MEGF8: variants seen among roughly 807,000 people sequenced by gnomAD.
The protein encoded by MEGF8 is multiple epidermal growth factor-like domains protein 8.
MEGF8 carries 156 observed loss-of-function variants against 302.9 expected under a neutral mutation model. The observed-to-expected ratio is 0.52, with a 90% confidence interval of 0.45 to 0.59. MEGF8 has a LOEUF of 0.59. Among genes scored for constraint, MEGF8 ranks in the 20% least tolerant of loss-of-function variants. MEGF8 has a pLI of 0.00. For missense variants in MEGF8, 3,345 were observed against 3,964.5 expected, an observed-to-expected ratio of 0.84 and a Z score of 4.20; for synonymous variants, 1,621 against 1,660.5, an observed-to-expected ratio of 0.98 and a Z score of 0.58.
rs764022580 is a variant in MEGF8, at chr19:42,358,299, G to A, written c.5167G>A (p.Gly1723Arg). 1 of 1,602,178 alleles carries A rather than the reference G, an allele frequency of 6.2e-7. No individual in the cohort carries two copies. The highest frequency in any genetic ancestry group is 8.5e-7 in the Non-Finnish European group (1 of 1,174,736). ...CTGGAGTCTGCTGGCCCCTTCTCAGGGGGCAAAGGTCAGGAAAAGAGGCTC... is the reference window on the plus strand; with the variant it reads ...CTGGAGTCTGCTGGCCCCTTCTCAGAGGGCAAAGGTCAGGAAAAGAGGCTC... Reference protein sequence around the residue: ...RTWSLLAPSQGAKRDRMRNVR... With the variant: ...RTWSLLAPSQRAKRDRMRNVR... Residue 1723 changes from glycine (G) to arginine (R), a missense_variant, in exon 29 of 42, where the codon GGG becomes AGG. By Grantham distance (125) the Gly-to-Arg change is moderately radical. Transcript: ENST00000251268. The surrounding 1 kb of genome is among the most constrained non-coding windows in gnomAD (Gnocchi z 4.4).
chr19:42,329,853 C>T (rs962807898), intron 1 of MEGF8, among the ~76,000 whole-genome samples: 1 of 146,496 alleles, frequency 6.8e-6, no homozygotes, highest in Non-Finnish European at 1.5e-5. Flanking sequence ...GCCTGGGCAG[C>T]AGAGCGAGAC....
Position 42,326,056 on chromosome 19 carries a change from G to T in MEGF8, c.-188G>T, listed in dbSNP as rs929575355. The T allele has an allele frequency of 5.2e-6, 5 of 965,728 alleles. No individual in the cohort carries two copies. In the African/African-American group the frequency reaches 5.2e-5, roughly 10 times the overall value. 59.8% of individuals were successfully genotyped at this position (965,728 alleles called of 1,614,324 possible). On this transcript the variant is annotated 5_prime_UTR_variant, in exon 1 of 42. Coordinates refer to ENST00000251268, the MANE Select transcript of MEGF8 (RefSeq NM_001271938.2). The stretch of plus-strand genomic sequence containing the variant: ...CATCGCTCTATAGGGCTCAGCCCTC[G>T]GCTTCCAGAGCCTGTCAGCAGTGGC...
chr19:42,356,139 G>C lies in MEGF8; in HGVS notation c.4449G>C (p.Lys1483Asn), dbSNP rs1262221754. The C allele has an allele frequency of 6.3e-7, 1 of 1,576,648 alleles. No homozygotes were observed. Among genetic ancestry groups the C allele is most frequent in the Admixed American group, 1.8e-5 (1 of 55,446 alleles). The change falls in exon 25 of 42, where the codon AAG becomes AAC. Residue 1483 changes from lysine to asparagine, a missense_variant. Lys to Asn is a moderately conservative substitution (Grantham distance 94). Coordinates refer to ENST00000251268, the MANE Select transcript of MEGF8 (RefSeq NM_001271938.2). This position sits in a 1 kb window ranked among gnomAD's most constrained non-coding sequence, Gnocchi z 5.2. ...TCGGGGGCCCCGACTGCGCCACCAA[G>C]CTGGATGGCGGGCAGCTGGTCTGGG... is the stretch of plus-strand genomic sequence containing the variant. ...EGFGGPDCAT[K>N]LDGGQLVWET...
chr19:42,369,035 G>C lies in MEGF8; in HGVS notation c.6641+33G>C, dbSNP rs376900398. ...CGCAGGCGGCGCTGGGGCCAGGCAG[G>C]CTAGGGTGGGAGAGTCTGTGGGGAG... On this transcript the variant is annotated intron_variant, in intron 37 of 41. Coordinates refer to ENST00000251268, the MANE Select transcript of MEGF8 (RefSeq NM_001271938.2). This position sits in a 1 kb window ranked among gnomAD's most constrained non-coding sequence, Gnocchi z 5.7. 6 of 1,607,654 alleles carry C rather than the reference G, an allele frequency of 3.7e-6. No homozygotes were observed. The highest frequency in any genetic ancestry group is 5.1e-6 in the Non-Finnish European group (6 of 1,178,496).
chr19:42,373,302 A>G (rs1438333948), intron 41 of MEGF8, among the ~76,000 whole-genome samples: 2 of 150,486 alleles, frequency 1.3e-5, no homozygotes, highest in African/African-American at 4.9e-5. Context: ...CATGTTGGCC[A>G]GGATGGTCTT....
chr19:42,345,182 G>A (rs902306504), intron 12 of MEGF8, among the ~76,000 whole-genome samples: 2 of 152,198 alleles, frequency 1.3e-5, no homozygotes, highest in African/African-American at 4.8e-5. Context: ...ATGTTGGTCA[G>A]GCTGGTCTTG....
At chr19:42,340,135 G>A (rs767636149) in intron 8 of MEGF8, among the ~76,000 whole-genome samples, 1 of 152,186 alleles carries the variant, frequency 6.6e-6, no homozygotes, top group Non-Finnish European at 1.5e-5. Flanking sequence ...ATTATAACAC[G>A]TAATGCCATT....
At position 42,335,350 on chromosome 19, in the gene MEGF8, A is replaced by G. The variant is rs1461718601; in HGVS notation, c.793A>G (p.Asn265Asp). Residue 265 changes from asparagine (N) to aspartate (D), a missense_variant, in exon 5 of 42, where the codon AAC becomes GAC. Physicochemically the swap from Asn to Asp is conservative, Grantham distance 23. Transcript: ENST00000251268. Reference sequence around the variant, plus strand: ...CCTCGTCCTATACAACTTCTCCGCCAACACCTGGGAGTCTTGGGACCTGAG... The same window carrying G: ...CCTCGTCCTATACAACTTCTCCGCCGACACCTGGGAGTCTTGGGACCTGAG... ...GDLVLYNFSA[N>D]TWESWDLSPA... is the part of the protein sequence containing the mutation. 1 of 1,613,840 alleles carries G rather than the reference A, an allele frequency of 6.2e-7. No homozygotes were observed. The highest frequency in any genetic ancestry group is 2.2e-5 in the East Asian group (1 of 44,892).
At chr19:42,343,816 G>T in intron 9 of MEGF8, 138 bp from the exon 10 acceptor site, 1 of 1,376,720 alleles carries the variant, frequency 7.3e-7, no homozygotes. Context: ...GCCTGGGGGA[G>T]GAATGGATGG....
At position 42,350,361 on chromosome 19, in the gene MEGF8, C is replaced by T. The variant is rs375529059; in HGVS notation, c.2713C>T (p.Arg905Trp). ...CCTCTGCCCACTCTGCGAGGAGCAT[C>T]GGGACTGCCACGCCTGCACCCAGGT... ...PTLCPLCEEH[R>W]DCHACTQDPF... Residue 905 changes from arginine (R) to tryptophan (W), a missense_variant, in exon 15 of 42, where the codon CGG becomes TGG. Coordinates refer to ENST00000251268, the MANE Select transcript of MEGF8 (RefSeq NM_001271938.2). The T allele has an allele frequency of 2.6e-5, 42 of 1,585,456 alleles. No individual in the cohort carries two copies. The highest frequency in any genetic ancestry group is 6.8e-5 in the East Asian group (3 of 44,370).
Position 42,357,410 on chromosome 19 carries a change from C to A in MEGF8, c.4837C>A (p.Gln1613Lys). 1 of 1,613,098 alleles carries A rather than the reference C, an allele frequency of 6.2e-7. No individual in the cohort carries two copies. The highest frequency in any genetic ancestry group is 1.1e-5 in the South Asian group (1 of 91,034). The change falls in exon 28 of 42, where the codon CAG becomes AAG. Residue 1613 changes from glutamine (Q) to lysine (K), a missense_variant. Gln to Lys is a moderately conservative substitution (Grantham distance 53). Coordinates refer to ENST00000251268, the MANE Select transcript of MEGF8 (RefSeq NM_001271938.2). This position sits in a 1 kb window ranked among gnomAD's most constrained non-coding sequence, Gnocchi z 5.2. ...TTGCCCCTCCATCCCTCAGGCCCCCCAGACCGTGGAGCTGCCAGCCGTTGC... is the reference window on the plus strand; with the variant it reads ...TTGCCCCTCCATCCCTCAGGCCCCCAAGACCGTGGAGCTGCCAGCCGTTGC... ...TLQWRQEKAP[Q>K]TVELPAVAGH...
chr19:42,333,980 C>T (rs2039089071), intron 2 of MEGF8, 27 bp from the exon 3 acceptor site: 2 of 1,604,470 alleles, frequency 1.2e-6, no homozygotes, highest in Admixed American at 1.7e-5. Context: ...CCCTGCCCAC[C>T]TTACCCAGCA....
intron 12 of MEGF8, among the ~76,000 whole-genome samples, chr19:42,346,798 C>T (rs1249959716): frequency 6.6e-6 from 1 of 151,928 alleles, no homozygotes; most frequent in East Asian, 1.9e-4. Context: ...TCCTGGCTAA[C>T]ACAGTGAAGC....
Position 42,354,521 on chromosome 19 carries a change from C to T in MEGF8, c.4012-67C>T. The T allele has an allele frequency of 1.3e-6, 2 of 1,542,540 alleles. No individual in the cohort carries two copies. The highest frequency in any genetic ancestry group is 8.8e-7 in the Non-Finnish European group (1 of 1,138,262). ...TGCCCTCCCCTCTTGAACCCCTCCT[C>T]CTCCCAGACCCCAGGTGTCGTTCTC... On this transcript the variant is annotated intron_variant, in intron 22 of 41. Transcript: ENST00000251268. This position sits in a 1 kb window ranked among gnomAD's most constrained non-coding sequence, Gnocchi z 4.3.
chr19:42,348,131 C>T, intron 12 of MEGF8, 141 bp from the exon 13 acceptor site: 1 of 749,138 alleles, frequency 1.3e-6, no homozygotes, highest in South Asian at 2.1e-5. Flanking sequence ...TTTGACAAGC[C>T]ACCTAACCCC....
chr19:42,346,984 CAA>C (rs767117534), intron 12 of MEGF8, among the ~76,000 whole-genome samples: 5 of 49,814 alleles, frequency 1.0e-4, no homozygotes, highest in Middle Eastern at 0.02. Context: ...GACTCTGTCT[CAA>C]AAAAAAAAAA....
chr19:42,358,843 G>T lies in MEGF8; in HGVS notation c.5232G>T (p.Gly1744=). Residue 1744 remains glycine (G), a synonymous_variant, in exon 30 of 42, where the codon GGG becomes GGT. Transcript: ENST00000251268. This position sits in a 1 kb window ranked among gnomAD's most constrained non-coding sequence, Gnocchi z 4.4. ...CTCGGGGTCTGGGCCAAGTTCCTGG[G>T]GAGCAGCCTGGGTCATGGGGGTTCC... The part of the protein sequence containing the change: ...GSSRGLGQVP[G]EQPGSWGFRE... 6 of 1,604,070 alleles carry T rather than the reference G, an allele frequency of 3.7e-6. No homozygotes were observed.
At chr19:42,350,511 G>A in intron 15 of MEGF8, 127 bp downstream of exon 15, 3 of 823,960 alleles carry the variant, frequency 3.6e-6, no homozygotes, top group South Asian at 1.9e-5. Flanking sequence ...GATCTGCAGA[G>A]CCTGGTGGGG....
chr19:42,330,511 C>G (rs2039041926), intron 1 of MEGF8, among the ~76,000 whole-genome samples: 1 of 152,138 alleles, frequency 6.6e-6, no homozygotes, highest in Non-Finnish European at 1.5e-5. Context: ...CTGCATTCCC[C>G]AAAGCATGGG....
Sources: allele counts gnomAD v4.1 joint callset (sites outside exome capture counted in the v4.1 genomes callset), GRCh38; gene constraint gnomAD v4.1.1; non-coding constraint Gnocchi (gnomAD v3.1); transcripts MANE v1.5; gene names NCBI Gene and HGNC (gene_info 2026-07-23, HGNC 2026-07-21).